Variants in ADGRB3 observed in about 807,000 individuals in gnomAD.
The protein encoded by ADGRB3 is brain-specific angiogenesis inhibitor 3.
Under a neutral mutation model 193.4 loss-of-function variants are expected in ADGRB3, and 37 were observed. The observed-to-expected ratio is 0.19, with a 90% CI of 0.15 to 0.25. The LOEUF is 0.25. ADGRB3 is among the 10% of genes least tolerant of loss of function. The pLI is 1.00. For missense variants in ADGRB3, 1,637 were observed against 1,852.9 expected (o/e 0.88, Z 2.14); for synonymous variants, 690 against 644.2 (o/e 1.07, Z -1.08).
At position 69,297,410 on chromosome 6, in the gene ADGRB3, C is replaced by CTCTATA. The variant is rs1554192101; in HGVS notation, c.2815-27461_2815-27460insCTATAT. On this transcript the variant is annotated intron_variant, in intron 20 of 31. Coordinates refer to ENST00000370598, the MANE Select transcript of ADGRB3 (RefSeq NM_001704.3). ...TCTCTCTATCTCTCTCTCTCTCTCTCTATATATATATATATATGCTTTGAG... is the reference window on the plus strand; with the variant it reads ...TCTCTCTATCTCTCTCTCTCTCTCTCTCTATATATATATATATATATATGCTTTGAG... Among the ~76,000 whole-genome samples, 135 of 128,296 alleles carry CTCTATA rather than the reference C, an allele frequency of 1.1e-3. No homozygotes were observed. The Middle Eastern group carries it at 0.027, about 26-fold the overall frequency. The allele number at this position is 128,296 out of a possible 152,430, so 84.2% of individuals were successfully genotyped here. A position where few individuals can be genotyped will look rare whatever the true frequency, so the allele number is the denominator to read the frequency against.
intron 17 of ADGRB3, 144 bp downstream of exon 17, chr6:69,076,182 A>G (rs1211677804): frequency 4.4e-6 from 3 of 684,188 alleles, no homozygotes; most frequent in Non-Finnish European, 7.6e-6. Flanking sequence ...TTGAATCTTC[A>G]GGACAGCATG....
At chr6:69,251,377 T>A (rs1766615239) in intron 20 of ADGRB3, among the ~76,000 whole-genome samples, 1 of 152,248 alleles carries the variant, frequency 6.6e-6, no homozygotes, top group East Asian at 1.9e-4. Context: ...ATTTTTTTTT[T>A]ACAGCCATTA....
At chr6:69,160,216 A>G (rs191873056) in intron 17 of ADGRB3, among the ~76,000 whole-genome samples, 32 of 152,206 alleles carry the variant, frequency 2.1e-4, no homozygotes, top group Middle Eastern at 3.4e-3. Flanking sequence ...TCTCTGTTCA[A>G]CACCCTTCCA....
intron 13 of ADGRB3, among the ~76,000 whole-genome samples, chr6:69,026,902 G>T (rs1292312142): frequency 1.3e-5 from 2 of 152,188 alleles, no homozygotes; most frequent in African/African-American, 4.8e-5. Flanking sequence ...ACTTAAAGTT[G>T]CTCTGCATGA....
chr6:68,983,557 T>G (rs1255937035), intron 10 of ADGRB3, among the ~76,000 whole-genome samples: 1 of 151,032 alleles, frequency 6.6e-6, no homozygotes, highest in Non-Finnish European at 1.5e-5. Flanking sequence ...GGGAAAAAAA[T>G]TACAAAAGAA....
intron 3 of ADGRB3, among the ~76,000 whole-genome samples, chr6:68,843,200 G>T (rs914643607): frequency 1.3e-5 from 2 of 152,026 alleles, no homozygotes; most frequent in South Asian, 2.1e-4. Context: ...AAAAGAGAAA[G>T]AAATGGCATC....
At chr6:68,942,614 TA>T (rs199838480) in intron 5 of ADGRB3, among the ~76,000 whole-genome samples, 37 of 152,150 alleles carry the variant, frequency 2.4e-4, no homozygotes, top group African/African-American at 8.7e-4. Flanking sequence ...AAACACTGAA[TA>T]TTTTTTTTTT....
chr6:68,784,820 T>A lies in ADGRB3; in HGVS notation c.757+145388T>A, dbSNP rs114959102. Among the ~76,000 whole-genome samples, 280 of 152,260 alleles carry A rather than the reference T, an allele frequency of 1.8e-3. 3 individuals carry two copies. The highest frequency in any genetic ancestry group is 6.5e-3 in the African/African-American group (270 of 41,556). On this transcript the variant is annotated intron_variant, in intron 3 of 31. Transcript: ENST00000370598. ...TCATCTGTGTTAAAATGGAGGTAGCTGTATATCAGCAAAGTAGAAAGAATT... is the reference window on the plus strand; with the variant it reads ...TCATCTGTGTTAAAATGGAGGTAGCAGTATATCAGCAAAGTAGAAAGAATT...
intron 13 of ADGRB3, among the ~76,000 whole-genome samples, chr6:69,021,002 C>A (rs981085513): frequency 2.0e-5 from 3 of 151,852 alleles, no homozygotes; most frequent in East Asian, 1.9e-4. Flanking sequence ...TAAATAGAGA[C>A]TATTTTATAG....
intron 3 of ADGRB3, among the ~76,000 whole-genome samples, chr6:68,879,213 C>CTTTTTTTTTT (rs529789046): frequency 1.2e-4 from 11 of 91,916 alleles, no homozygotes; most frequent in Non-Finnish European, 2.0e-4. Flanking sequence ...CTTTTTGTCG[C>CTTTTTTTTTT]TTTTTTTTTT....
rs542527218 is a variant in ADGRB3 at position 69,073,666 on chromosome 6, T to C, written c.2437-2329T>C. Among the ~76,000 whole-genome samples the C allele has an allele frequency of 1.1e-3, 174 of 152,250 alleles. 1 individual carries two copies. Among genetic ancestry groups the C allele is most frequent in the African/African-American group, 4.1e-3 (171 of 41,554 alleles). On this transcript the variant is annotated intron_variant, in intron 16 of 31. Transcript: ENST00000370598. ...GGCTCACCCAACTGCACATTCCTTA[T>C]ACTGCACAGGCCTTGGAAGTTCTGT... is the stretch of plus-strand genomic sequence containing the variant.
chr6:69,138,264 ATGT>A (rs1236992260), intron 17 of ADGRB3, among the ~76,000 whole-genome samples: 1 of 152,160 alleles, frequency 6.6e-6, no homozygotes, highest in Non-Finnish European at 1.5e-5. Flanking sequence ...CATCAGAAAA[ATGT>A]TGTAGGAAGA....
At chr6:69,075,945 T>C (rs1053584553) in intron 16 of ADGRB3, 50 bp from the exon 17 acceptor site, 2 of 1,386,518 alleles carry the variant, frequency 1.4e-6, no homozygotes, top group Non-Finnish European at 2.0e-6. Context: ...CCTCAATCTT[T>C]TTATATATGT....
intron 3 of ADGRB3, among the ~76,000 whole-genome samples, chr6:68,648,113 G>C (rs1198212530): frequency 2.0e-5 from 3 of 152,112 alleles, no homozygotes; most frequent in Admixed American, 6.5e-5. Context: ...GAATGACCTA[G>C]CTACACGGCT....
intron 3 of ADGRB3, among the ~76,000 whole-genome samples, chr6:68,888,265 AGT>A (rs1050293298): frequency 5.3e-5 from 8 of 152,158 alleles, no homozygotes; most frequent in African/African-American, 1.9e-4. Flanking sequence ...CCATGACAAC[AGT>A]GACTTATTAA....
rs754603670 is a variant in ADGRB3, at chr6:68,639,029, C to T, written c.354C>T (p.Phe118=). Residue 118 remains phenylalanine (F), a synonymous_variant, in exon 3 of 32, where the codon TTC becomes TTT. Coordinates refer to ENST00000370598, the MANE Select transcript of ADGRB3 (RefSeq NM_001704.3). ...IMQLCNSKNA[F]VFLQYDKNFI... ...AACTCTGCAATTCCAAGAATGCTTT[C>T]GTTTTTCTACAGTATGATAAAAATT... 4 of 1,613,166 alleles carry T rather than the reference C, an allele frequency of 2.5e-6. No individual in the cohort carries two copies. Among genetic ancestry groups the T allele is most frequent in the Admixed American group, 3.3e-5 (2 of 59,794 alleles).
chr6:68,671,890 G>A (rs914593897), intron 3 of ADGRB3, among the ~76,000 whole-genome samples: 3 of 152,008 alleles, frequency 2.0e-5, no homozygotes, highest in Non-Finnish European at 4.4e-5. Flanking sequence ...AAAGCCATGA[G>A]TCCCAGGATT....
intron 3 of ADGRB3, among the ~76,000 whole-genome samples, chr6:68,858,114 G>T (rs940612397): frequency 6.6e-6 from 1 of 152,052 alleles, no homozygotes; most frequent in Non-Finnish European, 1.5e-5. Flanking sequence ...CAAGTTTTTG[G>T]TATGTCTTTA....
intron 3 of ADGRB3, among the ~76,000 whole-genome samples, chr6:68,839,480 A>G (rs1215969747): frequency 6.6e-6 from 1 of 152,190 alleles, no homozygotes; most frequent in East Asian, 1.9e-4. Flanking sequence ...TCATTCTCCC[A>G]AGTATCCAGA....
Sources: allele counts gnomAD v4.1 joint callset (sites outside exome capture counted in the v4.1 genomes callset), GRCh38; gene constraint gnomAD v4.1.1; transcripts MANE v1.5; gene names NCBI Gene and HGNC (gene_info 2026-07-23, HGNC 2026-07-21).